RCAN2: variants seen among roughly 807,000 people sequenced by gnomAD.
The protein encoded by RCAN2 is regulator of calcineurin 2, also known as calcipressin-2.
In RCAN2, 9 loss-of-function variants were observed where a neutral mutation model predicts 23.6. The observed-to-expected ratio is 0.38, with a 90% CI of 0.23 to 0.67. The LOEUF (loss-of-function observed/expected upper bound fraction) is 0.67. Among genes scored for constraint, RCAN2 ranks in the 30% least tolerant of loss-of-function variants. The probability of loss-of-function intolerance (pLI) is 0.51; values close to 1 mark genes in which losing one functional copy is unlikely to be tolerated. For synonymous variants in RCAN2, 109 were observed against 115.7 expected (o/e 0.94, Z 0.37); for missense variants, 273 against 302.3 (o/e 0.90, Z 0.72).
chr6:46,242,451 C>A (rs143019953), intron 4 of RCAN2, among the ~76,000 whole-genome samples: 1 of 152,210 alleles, frequency 6.6e-6, no homozygotes, highest in Non-Finnish European at 1.5e-5. Flanking sequence ...TGCTCCATAA[C>A]GTTCTTTCTT....
chr6:46,298,606 T>C (rs1762796642), intron 2 of RCAN2, among the ~76,000 whole-genome samples: 1 of 151,930 alleles, frequency 6.6e-6, no homozygotes, highest in Non-Finnish European at 1.5e-5. Context: ...CTAATCAGAG[T>C]TGGAGAATCT....
chr6:46,491,092 C>T (rs1240005557), intron 1 of RCAN2, 81 bp downstream of exon 1: 1 of 150,702 alleles, frequency 6.6e-6, no homozygotes, highest in Non-Finnish European at 1.5e-5. Flanking sequence ...CGCGGACCCC[C>T]GGCACGACCC....
intron 2 of RCAN2, among the ~76,000 whole-genome samples, chr6:46,400,728 G>C (rs1448707106): frequency 6.6e-6 from 1 of 152,218 alleles, no homozygotes; most frequent in East Asian, 1.9e-4. Context: ...CATGGTGGGA[G>C]AGACCGGGCC....
intron 1 of RCAN2, among the ~76,000 whole-genome samples, chr6:46,490,258 G>T (rs1769102185): frequency 6.6e-6 from 1 of 152,146 alleles, no homozygotes; most frequent in African/African-American, 2.4e-5. Context: ...TCCAATTGTG[G>T]AAAACTGTGG....
rs1475445525 is a variant in RCAN2 at position 46,223,285 on chromosome 6, G to T, written c.588C>A (p.Leu196=). The T allele has an allele frequency of 3.1e-6, 5 of 1,613,620 alleles. No individual in the cohort carries two copies. The highest frequency in any genetic ancestry group is 3.4e-6 in the Non-Finnish European group (4 of 1,179,794). The change falls in exon 5 of 5, where the codon CTC becomes CTA. Residue 196 remains leucine, a synonymous_variant. Coordinates refer to ENST00000371374, the MANE Select transcript of RCAN2 (RefSeq NM_001251974.2). ...TTGGGGTGGACTCAGTCCCTGCATGGAGCTCATACTTCTCTCCTGAAAAGC... is the reference window on the plus strand; with the variant it reads ...TTGGGGTGGACTCAGTCCCTGCATGTAGCTCATACTTCTCTCCTGAAAAGC... ...AKLGPGEKYE[L]HAGTESTPSV...
In RCAN2 at chr6:46,269,431, C is replaced by A. The variant is rs1767449324; in HGVS notation, c.226-20535G>T. ...TTACAGCTGTCATAGCCTGTTAAAT[C>A]TTTCTGCGAATATTAAATAGATCTC... On this transcript the variant is annotated intron_variant, in intron 2 of 4. Transcript: ENST00000371374. Among the ~76,000 whole-genome samples, 3 of 152,200 alleles carry A rather than the reference C, an allele frequency of 2.0e-5. No individual in the cohort carries two copies. The South Asian group carries it at 6.2e-4, about 32-fold the overall frequency.
intron 4 of RCAN2, among the ~76,000 whole-genome samples, chr6:46,226,182 A>G (rs1452821536): frequency 1.3e-5 from 2 of 152,134 alleles, no homozygotes; most frequent in Admixed American, 1.3e-4. Context: ...TATTTTGGTT[A>G]CTGTAGACTT....
chr6:46,340,046 A>G (rs993980060), intron 2 of RCAN2, among the ~76,000 whole-genome samples: 1 of 152,202 alleles, frequency 6.6e-6, no homozygotes, highest in African/African-American at 2.4e-5. Flanking sequence ...CCATAAAGCA[A>G]CTATTCAAGA....
chr6:46,336,010 C>T (rs553434201), intron 2 of RCAN2, among the ~76,000 whole-genome samples: 2 of 152,264 alleles, frequency 1.3e-5, no homozygotes, highest in East Asian at 3.9e-4. Flanking sequence ...AAATTATATC[C>T]AAATGCCTTG....
intron 4 of RCAN2, among the ~76,000 whole-genome samples, chr6:46,227,279 T>C (rs2150304479): frequency 6.6e-6 from 1 of 152,356 alleles, no homozygotes; most frequent in African/African-American, 2.4e-5. Flanking sequence ...CAGGCTTTGG[T>C]ATCAGGATGA....
chr6:46,366,480 T>C (rs1013894883), intron 2 of RCAN2, among the ~76,000 whole-genome samples: 16 of 152,292 alleles, frequency 1.1e-4, no homozygotes, highest in African/African-American at 3.9e-4. Flanking sequence ...TCTCTCCTTG[T>C]CCAAACTCTA....
intron 2 of RCAN2, among the ~76,000 whole-genome samples, chr6:46,441,384 T>C (rs1055582739): frequency 6.6e-6 from 1 of 152,194 alleles, no homozygotes; most frequent in African/African-American, 2.4e-5. Context: ...ATTCAACATC[T>C]GGGACACCCG....
intron 2 of RCAN2, among the ~76,000 whole-genome samples, chr6:46,289,811 C>A (rs565584111): frequency 1.3e-5 from 2 of 152,256 alleles, no homozygotes; most frequent in Non-Finnish European, 2.9e-5. Flanking sequence ...CAAGTTTTAC[C>A]AGGGAACACA....
intron 2 of RCAN2, among the ~76,000 whole-genome samples, chr6:46,283,107 G>C (rs1762258710): frequency 6.6e-6 from 1 of 152,148 alleles, no homozygotes; most frequent in Non-Finnish European, 1.5e-5. Flanking sequence ...GGGGCTGAGT[G>C]ACCAAGGCAG....
At chr6:46,334,893 C>T (rs541770790) in intron 2 of RCAN2, among the ~76,000 whole-genome samples, 2 of 152,306 alleles carry the variant, frequency 1.3e-5, no homozygotes, top group East Asian at 3.9e-4. Context: ...ATATTTTCCC[C>T]TTTCCATCCT....
chr6:46,390,613 C>T (rs1195535309), intron 2 of RCAN2, among the ~76,000 whole-genome samples: 3 of 152,150 alleles, frequency 2.0e-5, no homozygotes, highest in African/African-American at 7.2e-5. Flanking sequence ...TCTGTGATTA[C>T]CACAAACTTT....
intron 2 of RCAN2, among the ~76,000 whole-genome samples, chr6:46,359,536 C>T (rs1764939337): frequency 6.6e-6 from 1 of 152,132 alleles, no homozygotes; most frequent in African/African-American, 2.4e-5. Context: ...CAGAATCCTC[C>T]AGTGTAGTTA....
At chr6:46,368,009 T>C (rs1765221508) in intron 2 of RCAN2, among the ~76,000 whole-genome samples, 1 of 152,210 alleles carries the variant, frequency 6.6e-6, no homozygotes, top group Non-Finnish European at 1.5e-5. Flanking sequence ...CTGTTTAGCT[T>C]CCAGTCTAGA....
At position 46,423,375 on chromosome 6, in the gene RCAN2, A is replaced by G. The variant is rs552598446; in HGVS notation, c.225+33377T>C. ...TAGTGTTTGTATTTTACACTTTTCA[A>G]TATTGTAGAGGATAGAACAAAGAAA... is the stretch of plus-strand genomic sequence containing the variant. On this transcript the variant is annotated intron_variant, in intron 2 of 4. Transcript: ENST00000371374. Among the ~76,000 whole-genome samples, 8 of 152,290 alleles carry G rather than the reference A, an allele frequency of 5.3e-5. No individual in the cohort carries two copies. The East Asian group carries it at 1.4e-3, about 26-fold the overall frequency.
Sources: gnomAD v4.1 joint callset for allele counts (sites outside exome capture counted in the v4.1 genomes callset) on GRCh38, gnomAD v4.1.1 for gene constraint, MANE v1.5 for transcripts, NCBI Gene and HGNC (gene_info 2026-07-23, HGNC 2026-07-21) for gene names.